Variants in UBTD1 observed in about 807,000 individuals in gnomAD.
UBTD1 encodes the protein ubiquitin domain containing 1.
A neutral mutation model predicts 21.7 loss-of-function variants in UBTD1; 19 were observed. That is an observed-to-expected ratio of 0.87 (90% CI 0.61 to 1.28). UBTD1 has a LOEUF of 1.28. UBTD1 is among the 50% of genes most tolerant of loss of function. UBTD1 has a pLI of 0.00. For synonymous variants in UBTD1, 116 were observed against 135.1 expected (o/e 0.86, Z 0.98); for missense variants, 282 against 315.1 (o/e 0.89, Z 0.80).
At chr10:97,524,286 C>CGG (rs557177983) in intron 1 of UBTD1, among the ~76,000 whole-genome samples, 4,020 of 106,378 alleles carry the variant, frequency 0.038, 138 homozygotes, top group African/African-American at 0.092. Flanking sequence ...TGTAGGGATG[C>CGG]GGGGGGGTCT....
intron 1 of UBTD1, among the ~76,000 whole-genome samples, chr10:97,516,972 G>A (rs1325333189): frequency 1.3e-5 from 2 of 152,082 alleles, no homozygotes; most frequent in Non-Finnish European, 2.9e-5. Context: ...GAGGTGTGAG[G>A]AGCCACAGGG....
chr10:97,503,213 G>A (rs1426635995), intron 1 of UBTD1, among the ~76,000 whole-genome samples: 1 of 152,196 alleles, frequency 6.6e-6, no homozygotes, highest in African/African-American at 2.4e-5. Context: ...GCCACACCCA[G>A]CCTTAAAAAT....
rs1271684246 is a variant in UBTD1 at position 97,499,302 on chromosome 10, G to T, written c.70+29G>T. 3 of 1,543,078 alleles carry T rather than the reference G, an allele frequency of 1.9e-6. No homozygotes were observed. In the Admixed American group the frequency reaches 6.0e-5, roughly 31 times the overall value. ...ACGATGGGGAAGGGAGCAGGGCCTC[G>T]GGCATCCCGCCAGTTGTCCCCCTCC... On this transcript the variant is annotated intron_variant, in intron 1 of 2. Coordinates refer to ENST00000370664, the MANE Select transcript of UBTD1 (RefSeq NM_024954.5).
At chr10:97,553,084 A>G (rs558090744) in intron 1 of UBTD1, among the ~76,000 whole-genome samples, 27 of 152,234 alleles carry the variant, frequency 1.8e-4, no homozygotes, top group Non-Finnish European at 3.7e-4. Flanking sequence ...GAATGTTCAC[A>G]CTTTCCACTG....
At chr10:97,542,346 C>T (rs1188918624) in intron 1 of UBTD1, among the ~76,000 whole-genome samples, 1 of 152,252 alleles carries the variant, frequency 6.6e-6, no homozygotes, top group African/African-American at 2.4e-5. Flanking sequence ...CTGTGAGTCA[C>T]ACCAGCACTG....
At chr10:97,561,808 C>T (rs74801106) in intron 1 of UBTD1, among the ~76,000 whole-genome samples, 380 of 152,286 alleles carry the variant, frequency 2.5e-3, no homozygotes, top group Non-Finnish European at 4.5e-3. Context: ...TCTTCCCTCA[C>T]GAGCATCATT....
chr10:97,499,474 C>A (rs2135644161), intron 1 of UBTD1, among the ~76,000 whole-genome samples: 1 of 152,326 alleles, frequency 6.6e-6, no homozygotes, highest in African/African-American at 2.4e-5. Context: ...AGCACTGAGC[C>A]GGCTGCGCGA....
rs117100910 is a variant in UBTD1, at chr10:97,547,026, G to A, written c.71-20888G>A. Among the ~76,000 whole-genome samples, 27 of 152,248 alleles carry A rather than the reference G, an allele frequency of 1.8e-4. 1 individual carries two copies. The East Asian group carries it at 5.2e-3, about 29-fold the overall frequency. On this transcript the variant is annotated intron_variant, in intron 1 of 2. Coordinates refer to ENST00000370664, the MANE Select transcript of UBTD1 (RefSeq NM_024954.5). ...TTGTCTGTAAAATAAAGTGGCTAGG[G>A]CAGAAGACTTTAAGGTCGCTCCCAG...
intron 1 of UBTD1, among the ~76,000 whole-genome samples, chr10:97,532,715 G>A (rs1044927315): frequency 1.3e-4 from 20 of 152,084 alleles, no homozygotes; most frequent in South Asian, 4.2e-4. Flanking sequence ...GCTTGAGTCC[G>A]GGAGACGGAG....
At chr10:97,530,474 A>G (rs1247032694) in intron 1 of UBTD1, among the ~76,000 whole-genome samples, 1 of 152,260 alleles carries the variant, frequency 6.6e-6, no homozygotes, top group African/African-American at 2.4e-5. Flanking sequence ...TATAGTGCTC[A>G]GCACATATTT....
At chr10:97,524,918 T>A (rs2040481631) in intron 1 of UBTD1, among the ~76,000 whole-genome samples, 1 of 152,168 alleles carries the variant, frequency 6.6e-6, no homozygotes, top group Non-Finnish European at 1.5e-5. Context: ...TGCAGCATAG[T>A]CACATGGCCT....
At chr10:97,550,060 C>G (rs778302510) in intron 1 of UBTD1, among the ~76,000 whole-genome samples, 3 of 152,144 alleles carry the variant, frequency 2.0e-5, no homozygotes, top group Admixed American at 6.5e-5. Flanking sequence ...ACAAGAGATT[C>G]GAGTCTGTAT....
rs567654140 is a variant in UBTD1, at chr10:97,556,363, G to A, written c.71-11551G>A. On this transcript the variant is annotated intron_variant, in intron 1 of 2. Coordinates refer to ENST00000370664, the MANE Select transcript of UBTD1 (RefSeq NM_024954.5). ...AAATTTTTCACAAACACCTTCTTCAGCTGCTAGCAAGTACTCAAGAGCTAG... is the reference window on the plus strand; with the variant it reads ...AAATTTTTCACAAACACCTTCTTCAACTGCTAGCAAGTACTCAAGAGCTAG... Among the ~76,000 whole-genome samples, 3 of 152,312 alleles carry A rather than the reference G, an allele frequency of 2.0e-5. No individual in the cohort carries two copies. In the South Asian group the frequency reaches 6.2e-4, roughly 32 times the overall value.
chr10:97,528,376 A>G (rs11189261), intron 1 of UBTD1, among the ~76,000 whole-genome samples: 54,034 of 62,414 alleles, frequency 0.87, 23,717 homozygotes, highest in East Asian at 0.96. Context: ...CCTCCCGGAC[A>G]GGGCGGCTGG....
chr10:97,504,756 T>C (rs184396105), intron 1 of UBTD1, among the ~76,000 whole-genome samples: 1 of 152,340 alleles, frequency 6.6e-6, no homozygotes, highest in East Asian at 1.9e-4. Flanking sequence ...ACACGTCTGA[T>C]TGATCTCCTA....
rs1223209762 is a variant in UBTD1 at position 97,528,636 on chromosome 10, T to C, written c.70+29363T>C. Among the ~76,000 whole-genome samples, 3 of 58,410 alleles carry C rather than the reference T, an allele frequency of 5.1e-5. 1 individual carries two copies. The highest frequency in any genetic ancestry group is 3.5e-4 in the Admixed American group (2 of 5,690). 38.3% of individuals were successfully genotyped at this position (58,410 alleles called of 152,430 possible). A position where few individuals can be genotyped will look rare whatever the true frequency, so the allele number is the denominator to read the frequency against. ...CCGGGCGGGGGGCTGAACCCCCACCTCCCTCCCGGACGGGGCGGCTGGCCG... is the reference window on the plus strand; with the variant it reads ...CCGGGCGGGGGGCTGAACCCCCACCCCCCTCCCGGACGGGGCGGCTGGCCG... On this transcript the variant is annotated intron_variant, in intron 1 of 2. Transcript: ENST00000370664.
Position 97,570,032 on chromosome 10 carries a change from C to T in UBTD1, c.299-106C>T. On this transcript the variant is annotated intron_variant, in intron 2 of 2. Coordinates refer to ENST00000370664, the MANE Select transcript of UBTD1 (RefSeq NM_024954.5). This position sits in a 1 kb window ranked among gnomAD's most constrained non-coding sequence, Gnocchi z 6.6. ...TATAGGCCCCATGTCCAAATACAGT[C>T]ACATTGGGGGTTAGAGTTTCACCAT... The T allele has an allele frequency of 2.1e-6, 3 of 1,446,170 alleles. No homozygotes were observed. The highest frequency in any genetic ancestry group is 2.8e-6 in the Non-Finnish European group (3 of 1,078,036). 89.6% of individuals were successfully genotyped at this position (1,446,170 alleles called of 1,614,324 possible). A position where few individuals can be genotyped will look rare whatever the true frequency, so the allele number is the denominator to read the frequency against.
At position 97,558,805 on chromosome 10, in the gene UBTD1, T is replaced by C. The variant is rs532606807; in HGVS notation, c.71-9109T>C. Among the ~76,000 whole-genome samples the C allele has an allele frequency of 7.9e-5, 12 of 152,358 alleles. No homozygotes were observed. The East Asian group carries it at 2.1e-3, about 27-fold the overall frequency. On this transcript the variant is annotated intron_variant, in intron 1 of 2. Transcript: ENST00000370664. ...TTGATCTGGTATTCCTTGCGGGGCT[T>C]CGATTGCATCTAAATAGATGTGAGA...
intron 1 of UBTD1, among the ~76,000 whole-genome samples, chr10:97,533,093 C>T (rs956281830): frequency 6.6e-6 from 1 of 152,220 alleles, no homozygotes; most frequent in Non-Finnish European, 1.5e-5. Flanking sequence ...CGACAAGATG[C>T]TCACTTGCAA....
Sources: allele counts gnomAD v4.1 joint callset (sites outside exome capture counted in the v4.1 genomes callset), GRCh38; gene constraint gnomAD v4.1.1; non-coding constraint Gnocchi (gnomAD v3.1); transcripts MANE v1.5; gene names NCBI Gene and HGNC (gene_info 2026-07-23, HGNC 2026-07-21).